The following WDR83 variants were observed in gnomAD, a reference collection of about 807,000 sequenced individuals.
WDR83 encodes the protein WD repeat domain 83.
A neutral mutation model predicts 37.7 loss-of-function variants in WDR83; 37 were observed. The observed-to-expected ratio is 0.98, with a 90% CI of 0.76 to 1.29. The LOEUF (loss-of-function observed/expected upper bound fraction) is 1.29, where lower values mean the gene tolerates loss of function less well. Among genes scored for constraint, WDR83 ranks in the 50% most tolerant of loss-of-function variants. WDR83 has a pLI of 0.00. For missense variants in WDR83, 445 were observed against 414.4 expected (o/e 1.07, Z -0.64); for synonymous variants, 174 against 181.1 (o/e 0.96, Z 0.31).
chr19:12,671,985 C>T (rs2024434502), intron 7 of WDR83, among the ~76,000 whole-genome samples: 2 of 152,106 alleles, frequency 1.3e-5, no homozygotes, highest in Admixed American at 6.5e-5. Context: ...CGTGAGCCAC[C>T]GCGCCTGGTG....
chr19:12,669,271 G>A, intron 2 of WDR83: 1 of 1,611,112 alleles, frequency 6.2e-7, no homozygotes, highest in South Asian at 1.1e-5. Context: ...CTCAGGTCCT[G>A]CCCCCGGGAT....
chr19:12,675,768 TAGGGG>T lies in WDR83; in HGVS notation c.*102_*106del, dbSNP rs779949621. ...TCTAGAGACGTAGCTGACCAAAAAG[TAGGGG>T]AGGGGCTGGGTCTGCAAATTAATAA... On this transcript the variant is annotated 3_prime_UTR_variant, in exon 11 of 11. Transcript: ENST00000418543. 1.3e-6 allele frequency: 2 copies of T among 1,566,028 alleles called. No individual in the cohort carries two copies.
At chr19:12,675,101 A>G (rs1568316046) in intron 10 of WDR83, among the ~76,000 whole-genome samples, 1 of 149,594 alleles carries the variant, frequency 6.7e-6, no homozygotes, top group Non-Finnish European at 1.5e-5. Flanking sequence ...CGACAGAGCA[A>G]GACTCCATCT....
chr19:12,675,565 C>CA lies in WDR83; in HGVS notation c.842dup (p.Ser282ValfsTer28). The CA allele has an allele frequency of 1.2e-6, 2 of 1,606,192 alleles. No homozygotes were observed. Among genetic ancestry groups the CA allele is most frequent in the Non-Finnish European group, 1.7e-6 (2 of 1,179,972 alleles). On this transcript the variant is annotated frameshift_variant, in exon 11 of 11. Coordinates refer to ENST00000418543, the MANE Select transcript of WDR83 (RefSeq NM_001099737.3). LOFTEE classifies it high-confidence loss of function. ...CCTGCCTGTGGGTTCCGGTGTGGTG[C>CA]AGTCGCTGGCCTACCACCCAACAGA...
chr19:12,670,245 C>T lies in WDR83; in HGVS notation c.290C>T (p.Ala97Val), dbSNP rs138168117. The change falls in exon 5 of 11, where the codon GCA becomes GTA. Residue 97 changes from alanine (A) to valine (V), a missense_variant. Physicochemically the swap from Ala to Val is moderately conservative, Grantham distance 64 (BLOSUM62 0). Transcript: ENST00000418543. ...GDKAVVLWDV[A>V]SGQVVRKFRG... ...AAGGCGGTGGTTCTGTGGGATGTGG[C>T]ATCAGGGCAGGTCGTGCGCAAATTC... 2.4e-5 allele frequency: 39 copies of T among 1,614,018 alleles called. No homozygotes were observed. The African/African-American group carries it at 4.7e-4, about 19-fold the overall frequency.
intron 10 of WDR83, among the ~76,000 whole-genome samples, chr19:12,675,238 G>A (rs916618615): frequency 1.3e-5 from 2 of 152,130 alleles, no homozygotes; most frequent in East Asian, 1.9e-4. Flanking sequence ...ACCAGCCTGG[G>A]CAACATGGTA....
intron 7 of WDR83, 62 bp downstream of exon 7, chr19:12,670,883 G>T: frequency 6.4e-7 from 1 of 1,566,782 alleles, no homozygotes; most frequent in Non-Finnish European, 8.6e-7. Context: ...CTGCCCCCAT[G>T]CTCAGATTAA....
At chr19:12,670,869 A>G (rs1051544762) in intron 7 of WDR83, 48 bp downstream of exon 7, 3 of 1,586,722 alleles carry the variant, frequency 1.9e-6, no homozygotes, top group East Asian at 2.3e-5. Context: ...ACGGGGAATC[A>G]TAGCTGCCCC....
In WDR83 at chr19:12,669,842, T is replaced by C. The variant is rs1165894422; in HGVS notation, c.52T>C (p.Leu18=). Residue 18 remains leucine (L), a synonymous_variant, in exon 3 of 11, where the codon TTG becomes CTG. Coordinates refer to ENST00000418543, the MANE Select transcript of WDR83 (RefSeq NM_001099737.3). ...GCCTCCAGAGCTGCCGCAGAAACGG[T>C]TGAAGACGCTGGACTGCGGGCAGGG... is the stretch of plus-strand genomic sequence containing the variant. ...PRPPELPQKR[L]KTLDCGQGAV... 4.3e-6 allele frequency: 7 copies of C among 1,612,394 alleles called. No individual in the cohort carries two copies. The highest frequency in any genetic ancestry group is 2.2e-5 in the East Asian group (1 of 44,854).
At chr19:12,668,196 G>C in intron 1 of WDR83, 1 of 672,988 alleles carries the variant, frequency 1.5e-6, no homozygotes, top group South Asian at 1.9e-5. Context: ...TAAGCCTAGG[G>C]TGTTCCCTAG....
At chr19:12,675,479 A>G (rs756867343) in intron 10 of WDR83, 44 bp from the exon 11 acceptor site, 2 of 1,589,282 alleles carry the variant, frequency 1.3e-6, no homozygotes, top group Non-Finnish European at 1.7e-6. Flanking sequence ...AAACCAGGGT[A>G]CAGCCCAGCC....
Position 12,673,029 on chromosome 19 carries a change from T to C in WDR83, c.596T>C (p.Phe199Ser), listed in dbSNP as rs1360874555. 3.7e-6 allele frequency: 6 copies of C among 1,613,500 alleles called. No individual in the cohort carries two copies. Among genetic ancestry groups the C allele is most frequent in the African/African-American group, 1.3e-5 (1 of 74,904 alleles). Residue 199 changes from phenylalanine (F) to serine (S), a missense_variant, in exon 9 of 11, where the codon TTC (phenylalanine) becomes TCC (serine). Coordinates refer to ENST00000418543, the MANE Select transcript of WDR83 (RefSeq NM_001099737.3). ...YVGSPITCTCFSRDGQCTLVS... is the reference protein window; with the variant it reads ...YVGSPITCTCSSRDGQCTLVS... The stretch of plus-strand genomic sequence containing the variant: ...CAAGGCCCCATCACCTGCACCTGCT[T>C]CAGCCGGGATGGGCAGTGCACCCTG...
chr19:12,670,865 A>C, intron 7 of WDR83, 44 bp downstream of exon 7: 1 of 1,589,876 alleles, frequency 6.3e-7, no homozygotes, highest in Non-Finnish European at 8.6e-7. Flanking sequence ...TGCTACGGGG[A>C]ATCATAGCTG....
At position 12,670,621 on chromosome 19, in the gene WDR83, G is replaced by A. The variant is rs2024384463; in HGVS notation, c.379+10G>A. 2 of 1,614,214 alleles carry A rather than the reference G, an allele frequency of 1.2e-6. No individual in the cohort carries two copies. On this transcript the variant is annotated intron_variant, in intron 6 of 10. Coordinates refer to ENST00000418543, the MANE Select transcript of WDR83 (RefSeq NM_001099737.3). The stretch of plus-strand genomic sequence containing the variant: ...ACAGTTATCCTGTCCGGTGAGTCTG[G>A]GGCCTAAGCACGGGGGCCCAGGGTG...
At chr19:12,669,011 G>T in intron 2 of WDR83, 1 of 1,069,910 alleles carries the variant, frequency 9.3e-7, no homozygotes, top group East Asian at 2.5e-5. Flanking sequence ...CCCCACTCCC[G>T]GCCGATCTCA....
intron 7 of WDR83, 123 bp downstream of exon 7, chr19:12,670,944 T>G (rs2024397074): frequency 1.4e-6 from 2 of 1,440,378 alleles, no homozygotes; most frequent in African/African-American, 2.8e-5. Context: ...CCCAGCTACT[T>G]GGGAGGCTGA....
In WDR83 at chr19:12,669,998, C is replaced by A. The variant is rs2024363344; in HGVS notation, c.125C>A (p.Thr42Lys). The stretch of plus-strand genomic sequence containing the variant: ...CCAGTGGATGGCAATTACTGCCTGA[C>A]GTGCGGCAGTGACAAGACGCTGAAG... ...RFNVDGNYCL[T>K]CGSDKTLKLW... The change falls in exon 4 of 11, where the codon ACG becomes AAG. Residue 42 changes from threonine (T) to lysine (K), a missense_variant. By Grantham distance (78) the Thr-to-Lys change is moderately conservative. Transcript: ENST00000418543. 6.2e-7 allele frequency: 1 copy of A among 1,611,516 alleles called. No homozygotes were observed. The highest frequency in any genetic ancestry group is 8.5e-7 in the Non-Finnish European group (1 of 1,177,968).
In WDR83 at chr19:12,670,163, C is replaced by T. The variant is rs2024369343; in HGVS notation, c.225-17C>T. ...GGATCCGAGGTCGATGCTGATCCTCCTCCTCCTTTACTCCAGCTCCTTTGA... is the reference window on the plus strand; with the variant it reads ...GGATCCGAGGTCGATGCTGATCCTCTTCCTCCTTTACTCCAGCTCCTTTGA... On this transcript the variant is annotated splice_polypyrimidine_tract_variant and intron_variant, in intron 4 of 10. Coordinates refer to ENST00000418543, the MANE Select transcript of WDR83 (RefSeq NM_001099737.3). 2 of 1,611,988 alleles carry T rather than the reference C, an allele frequency of 1.2e-6. No individual in the cohort carries two copies. The highest frequency in any genetic ancestry group is 1.7e-6 in the Non-Finnish European group (2 of 1,178,690).
In WDR83 at chr19:12,669,901, C is replaced by T; in HGVS notation, c.103+8C>T. 1 of 1,602,838 alleles carries T rather than the reference C, an allele frequency of 6.2e-7. No homozygotes were observed. Among genetic ancestry groups the T allele is most frequent in the Non-Finnish European group, 8.5e-7 (1 of 1,171,792 alleles). ...GAGCCGTACGATTTAATGGTGAGCGCCTTCGTCTTCATTCCGGGTCCTCCT... is the reference window on the plus strand; with the variant it reads ...GAGCCGTACGATTTAATGGTGAGCGTCTTCGTCTTCATTCCGGGTCCTCCT... On this transcript the variant is annotated splice_region_variant and intron_variant, in intron 3 of 10. Coordinates refer to ENST00000418543, the MANE Select transcript of WDR83 (RefSeq NM_001099737.3).
Sources: allele counts gnomAD v4.1 joint callset (sites outside exome capture counted in the v4.1 genomes callset), GRCh38; gene constraint gnomAD v4.1.1; transcripts MANE v1.5; gene names NCBI Gene and HGNC (gene_info 2026-07-23, HGNC 2026-07-21).